The following MYOF variants were observed in gnomAD, a reference collection of about 807,000 sequenced individuals.
MYOF encodes the protein fer-1-like 3, myoferlin.
MYOF carries 244 observed loss-of-function variants against 284.2 expected under a neutral mutation model. The ratio of observed to expected loss-of-function variants is 0.86; its 90% CI spans 0.77 to 0.95. MYOF has a LOEUF of 0.95. Ranked by LOEUF, MYOF falls within the 40% of genes least tolerant of loss-of-function variation. The pLI is 0.00. For missense variants in MYOF, 2,496 were observed against 2,560.6 expected, an observed-to-expected ratio of 0.97 and a Z score of 0.54; for synonymous variants, 904 against 919.7, an observed-to-expected ratio of 0.98 and a Z score of 0.31.
At chr10:93,313,815 C>T (rs554009026) in intron 50 of MYOF, among the ~76,000 whole-genome samples, 9 of 152,178 alleles carry the variant, frequency 5.9e-5, no homozygotes, top group African/African-American at 1.2e-4. Flanking sequence ...GCACAAGAAT[C>T]GCGTGAGCCC....
chr10:93,404,792 T>C (rs563152171), intron 7 of MYOF, among the ~76,000 whole-genome samples: 1 of 152,326 alleles, frequency 6.6e-6, no homozygotes, highest in African/African-American at 2.4e-5. Context: ...TGACTCTAAT[T>C]TTACTCCAAG....
chr10:93,347,702 G>A lies in MYOF; in HGVS notation c.4164C>T (p.Val1388=), dbSNP rs1235622307. The A allele has an allele frequency of 6.2e-6, 10 of 1,614,008 alleles. No individual in the cohort carries two copies. Among genetic ancestry groups the A allele is most frequent in the African/African-American group, 5.3e-5 (4 of 74,922 alleles). ...GGCGCTCGATGGTGCACTGGCCGACGACAGGCTTCCGCCCAAACTGCCTGT... is the reference window on the plus strand; with the variant it reads ...GGCGCTCGATGGTGCACTGGCCGACAACAGGCTTCCGCCCAAACTGCCTGT... ...IDHRQFGRKP[V]VGQCTIERLD... is the part of the protein sequence containing the mutation. The change falls in exon 37 of 54, where the codon GTC becomes GTT. Residue 1388 remains valine (V), a synonymous_variant. Coordinates refer to ENST00000359263, the MANE Select transcript of MYOF (RefSeq NM_013451.4).
intron 22 of MYOF, 74 bp from the exon 23 acceptor site, chr10:93,375,029 AC>A: frequency 7.2e-7 from 1 of 1,387,906 alleles, no homozygotes; most frequent in Non-Finnish European, 9.8e-7. Context: ...ACTGTCAAAT[AC>A]ATTTATGTTG....
chr10:93,419,854 G>A (rs1459920360), intron 5 of MYOF, among the ~76,000 whole-genome samples: 1 of 152,168 alleles, frequency 6.6e-6, no homozygotes, highest in African/African-American at 2.4e-5. Flanking sequence ...TTTTAAGGCT[G>A]GGCATGGTGG....
intron 3 of MYOF, among the ~76,000 whole-genome samples, chr10:93,436,523 G>T (rs767892486): frequency 3.3e-5 from 5 of 151,886 alleles, no homozygotes; most frequent in African/African-American, 4.8e-5. Context: ...TTTAGATGAC[G>T]GCCTGCAAAG....
At chr10:93,401,327 G>A (rs555235476) in intron 12 of MYOF, 91 bp downstream of exon 12, 3 of 1,514,234 alleles carry the variant, frequency 2.0e-6, no homozygotes, top group Non-Finnish European at 2.7e-6. Flanking sequence ...ACATACGATA[G>A]GGACACGAAT....
chr10:93,320,470 A>G (rs1031583432), intron 48 of MYOF, among the ~76,000 whole-genome samples: 1 of 152,254 alleles, frequency 6.6e-6, no homozygotes, highest in African/African-American at 2.4e-5. Context: ...AAGAAGCACA[A>G]ATCAAGTAAT....
At chr10:93,319,358 G>A (rs199940003) in intron 49 of MYOF, among the ~76,000 whole-genome samples, 3 of 152,260 alleles carry the variant, frequency 2.0e-5, no homozygotes, top group Non-Finnish European at 4.4e-5. Flanking sequence ...CCAATACATC[G>A]TTTTTCTGGT....
intron 24 of MYOF, among the ~76,000 whole-genome samples, chr10:93,371,660 A>C (rs1188836181): frequency 6.6e-6 from 1 of 152,232 alleles, no homozygotes; most frequent in Non-Finnish European, 1.5e-5. Flanking sequence ...AAAATTTATC[A>C]GCTTCGATCT....
Position 93,431,564 on chromosome 10 carries a change from C to T in MYOF, c.237-48G>A, listed in dbSNP as rs756643888. 5.6e-6 allele frequency: 8 copies of T among 1,416,172 alleles called. No homozygotes were observed. In the South Asian group the frequency reaches 5.8e-5, roughly 10 times the overall value. 87.7% of individuals were successfully genotyped at this position (1,416,172 alleles called of 1,614,324 possible). A position where few individuals can be genotyped will look rare whatever the true frequency, so the allele number is the denominator to read the frequency against. On this transcript the variant is annotated intron_variant, in intron 3 of 53. Transcript: ENST00000359263. ...CATAGCAGCCTAAGTAGGAGATAGGCTTCCAATGACTCAGGACCTCTCAAC... is the reference window on the plus strand; with the variant it reads ...CATAGCAGCCTAAGTAGGAGATAGGTTTCCAATGACTCAGGACCTCTCAAC...
At chr10:93,397,076 C>T in intron 15 of MYOF, 171 bp downstream of exon 15, 2 of 525,128 alleles carry the variant, frequency 3.8e-6, no homozygotes, top group Non-Finnish European at 6.6e-6. Flanking sequence ...GCTTTTTTTG[C>T]AGTAACACTA....
Position 93,396,308 on chromosome 10 carries a change from A to T in MYOF, c.1335-84T>A, listed in dbSNP as rs1589500085. ...AAGATATGTCTTCATTTCAACAATT[A>T]AAAAAAAGTTAGAGCTGGAAAATAC... is the stretch of plus-strand genomic sequence containing the variant. On this transcript the variant is annotated intron_variant, in intron 15 of 53. Coordinates refer to ENST00000359263, the MANE Select transcript of MYOF (RefSeq NM_013451.4). 3.0e-5 allele frequency: 29 copies of T among 976,032 alleles called. No individual in the cohort carries two copies. The South Asian group carries it at 4.9e-4, about 16-fold the overall frequency. 60.5% of individuals were successfully genotyped at this position (976,032 alleles called of 1,614,324 possible). A position where few individuals can be genotyped will look rare whatever the true frequency, so the allele number is the denominator to read the frequency against.
At chr10:93,482,075 G>T (rs1452689194) in intron 1 of MYOF, 32 bp downstream of exon 1, 3 of 1,573,178 alleles carry the variant, frequency 1.9e-6, no homozygotes, top group South Asian at 2.2e-5. Context: ...TCCAAAACAG[G>T]ACTTCAGAAA....
At chr10:93,397,793 G>T (rs1259411427) in intron 13 of MYOF, among the ~76,000 whole-genome samples, 2 of 151,966 alleles carry the variant, frequency 1.3e-5, no homozygotes, top group African/African-American at 4.8e-5. Context: ...CATCCAGACA[G>T]ATCTTTTGAC....
intron 3 of MYOF, among the ~76,000 whole-genome samples, chr10:93,446,006 G>T (rs2056416982): frequency 7.0e-6 from 1 of 143,220 alleles, no homozygotes; most frequent in African/African-American, 2.6e-5. Context: ...ATTCCCAGAT[G>T]GTTAAAAAAA....
chr10:93,447,321 C>T (rs1006211597), intron 3 of MYOF, among the ~76,000 whole-genome samples: 1 of 152,146 alleles, frequency 6.6e-6, no homozygotes, highest in African/African-American at 2.4e-5. Context: ...TCCTTAAGGG[C>T]ATGACTAGTG....
chr10:93,421,414 G>C (rs997611266), intron 5 of MYOF, among the ~76,000 whole-genome samples: 33 of 152,168 alleles, frequency 2.2e-4, no homozygotes, highest in African/African-American at 7.7e-4. Context: ...CTAGCAGGGG[G>C]TTGCAGTAGG....
chr10:93,471,173 A>G (rs1348473175), intron 1 of MYOF, among the ~76,000 whole-genome samples: 1 of 152,196 alleles, frequency 6.6e-6, no homozygotes, highest in African/African-American at 2.4e-5. Flanking sequence ...AGTCTCCACT[A>G]ATAAAATGGC....
At chr10:93,423,310 T>C (rs1009351501) in intron 5 of MYOF, among the ~76,000 whole-genome samples, 1 of 149,274 alleles carries the variant, frequency 6.7e-6, no homozygotes, top group South Asian at 2.1e-4. Context: ...GCAGATCACT[T>C]GAGGTCAGGA....
Sources: gnomAD v4.1 joint callset for allele counts (sites outside exome capture counted in the v4.1 genomes callset) on GRCh38, gnomAD v4.1.1 for gene constraint, MANE v1.5 for transcripts, NCBI Gene and HGNC (gene_info 2026-07-23, HGNC 2026-07-21) for gene names.